MICAL2: variants seen among roughly 807,000 people sequenced by gnomAD.
The protein encoded by MICAL2 is [F-actin]-monooxygenase MICAL2.
In MICAL2, 77 loss-of-function variants were observed where a neutral mutation model predicts 127.3. That is an observed-to-expected ratio of 0.60 (90% confidence interval 0.50 to 0.73). MICAL2 has a LOEUF of 0.73. Among genes scored for constraint, MICAL2 ranks in the 30% least tolerant of loss-of-function variants. The probability of loss-of-function intolerance (pLI) is 0.00; values close to 1 mark genes in which losing one functional copy is unlikely to be tolerated. For synonymous variants in MICAL2, 570 were observed against 551.1 expected, an observed-to-expected ratio of 1.03 and a Z score of -0.48; for missense variants, 1,351 against 1,434.4, an observed-to-expected ratio of 0.94 and a Z score of 0.94.
At chr11:12,185,880 G>A (rs1456103414) in intron 3 of MICAL2, among the ~76,000 whole-genome samples, 1 of 152,182 alleles carries the variant, frequency 6.6e-6, no homozygotes, top group Non-Finnish European at 1.5e-5. Flanking sequence ...GCCAGCCTGC[G>A]ATCATGTTTT....
intron 2 of MICAL2, among the ~76,000 whole-genome samples, chr11:12,144,700 A>C (rs1852714670): frequency 6.6e-6 from 1 of 152,258 alleles, no homozygotes; most frequent in African/African-American, 2.4e-5. Context: ...CACCTAGTTC[A>C]GGGAGGTGAA....
rs182306465 is a variant in MICAL2 at position 12,234,778 on chromosome 11, G to A, written c.1996-1399G>A. ...GCTTTCCGTTGGAGGGAGGGGATGC[G>A]TACTGGGTTGTGTGTTGGGGCACCC... On this transcript the variant is annotated intron_variant, in intron 15 of 27. Coordinates refer to ENST00000683283, the MANE Select transcript of MICAL2 (RefSeq NM_001282663.2). 1.8e-4 allele frequency among the ~76,000 whole-genome samples: 28 copies of A among 152,288 alleles called. 1 individual carries two copies. Among genetic ancestry groups the A allele is most frequent in the South Asian group, 4.1e-4 (2 of 4,828 alleles).
At chr11:12,313,248 A>G (rs1489310704) in intron 29 of MICAL2, among the ~76,000 whole-genome samples, 2 of 151,988 alleles carry the variant, frequency 1.3e-5, no homozygotes, top group Non-Finnish European at 2.9e-5. Flanking sequence ...TTACACAGAA[A>G]GGGAGGTGGA....
At chr11:12,207,766 C>G (rs1294143251) in intron 4 of MICAL2, 1 of 382,700 alleles carries the variant, frequency 2.6e-6, no homozygotes, top group Non-Finnish European at 4.7e-6. Flanking sequence ...TCTGTGTCGC[C>G]TTGAGCAAGT....
intron 29 of MICAL2, among the ~76,000 whole-genome samples, chr11:12,316,228 C>G (rs1051890502): frequency 6.6e-6 from 1 of 151,864 alleles, no homozygotes; most frequent in South Asian, 2.1e-4. Context: ...CTGACAATAT[C>G]TTCTTTTTAA....
chr11:12,353,712 T>A (rs148637955), intron 33 of MICAL2, among the ~76,000 whole-genome samples: 19 of 152,266 alleles, frequency 1.2e-4, no homozygotes, highest in African/African-American at 4.6e-4. Flanking sequence ...TTCTTGACTT[T>A]GCTGCTCCTC....
At chr11:12,133,287 G>A (rs1780725001) in intron 1 of MICAL2, among the ~76,000 whole-genome samples, 1 of 152,086 alleles carries the variant, frequency 6.6e-6, no homozygotes, top group Non-Finnish European at 1.5e-5. Flanking sequence ...TCACCATGTT[G>A]GTCAGGCTGG....
intron 29 of MICAL2, among the ~76,000 whole-genome samples, chr11:12,297,587 G>C (rs571362834): frequency 6.6e-6 from 1 of 152,030 alleles, no homozygotes; most frequent in Admixed American, 6.5e-5. Context: ...TAGTTAGAAA[G>C]AGCTTCTTCC....
intron 1 of MICAL2, among the ~76,000 whole-genome samples, chr11:12,112,691 C>A (rs1028957319): frequency 6.6e-6 from 1 of 152,074 alleles, no homozygotes; most frequent in Non-Finnish European, 1.5e-5. Flanking sequence ...GCTTTCTGCT[C>A]ATCCCCTCTT....
At chr11:12,178,060 C>T (rs1207849398) in intron 3 of MICAL2, among the ~76,000 whole-genome samples, 1 of 152,208 alleles carries the variant, frequency 6.6e-6, no homozygotes, top group East Asian at 1.9e-4. Context: ...GCCTGAAAGG[C>T]CAAGCCAGTT....
intron 22 of MICAL2, chr11:12,254,697 A>G (rs1862066615): frequency 6.6e-6 from 1 of 152,170 alleles, no homozygotes; most frequent in South Asian, 2.1e-4. Flanking sequence ...TTTATTTGCT[A>G]AGCGGCCTCA....
At chr11:12,254,290 G>A (rs1365055640) in intron 22 of MICAL2, 6 of 152,162 alleles carry the variant, frequency 3.9e-5, no homozygotes, top group African/African-American at 2.4e-5. Context: ...CCACAAACTC[G>A]GGAGACAGGT....
intron 32 of MICAL2, among the ~76,000 whole-genome samples, chr11:12,341,554 C>T (rs963844557): frequency 1.4e-4 from 21 of 152,134 alleles, no homozygotes; most frequent in African/African-American, 4.6e-4. Context: ...TGGCCCGGCG[C>T]GGTGGCTTAT....
chr11:12,316,893 G>T (rs1442970071), intron 29 of MICAL2, among the ~76,000 whole-genome samples: 6 of 151,996 alleles, frequency 3.9e-5, no homozygotes, highest in Non-Finnish European at 8.8e-5. Flanking sequence ...TTACTCTAGG[G>T]CTAATTCATT....
intron 15 of MICAL2, among the ~76,000 whole-genome samples, chr11:12,231,872 C>T (rs1391617820): frequency 6.6e-6 from 1 of 152,232 alleles, no homozygotes; most frequent in African/African-American, 2.4e-5. Context: ...CTCTCCTTTC[C>T]TCAGCGCAAT....
intron 26 of MICAL2, chr11:12,262,115 AC>A: frequency 8.7e-7 from 1 of 1,145,960 alleles, no homozygotes; most frequent in East Asian, 6.1e-5. Context: ...GAGATGTTGA[AC>A]CTTTCTGGTG....
intron 3 of MICAL2, among the ~76,000 whole-genome samples, chr11:12,171,317 A>C (rs1303220640): frequency 6.6e-6 from 1 of 152,182 alleles, no homozygotes; most frequent in Non-Finnish European, 1.5e-5. Flanking sequence ...ATCCAAATAA[A>C]TGTGTATCTC....
intron 3 of MICAL2, among the ~76,000 whole-genome samples, chr11:12,192,037 A>C (rs1401455709): frequency 1.3e-5 from 2 of 149,344 alleles, no homozygotes; most frequent in Non-Finnish European, 3.0e-5. Context: ...ACTTCTTGGA[A>C]CCCCCACCCC....
intron 3 of MICAL2, among the ~76,000 whole-genome samples, chr11:12,178,012 G>T (rs1056658565): frequency 6.6e-6 from 1 of 152,228 alleles, no homozygotes; most frequent in African/African-American, 2.4e-5. Context: ...ATGCTTGGTG[G>T]CTGGCAGCCC....
Sources: allele counts gnomAD v4.1 joint callset (sites outside exome capture counted in the v4.1 genomes callset), GRCh38; gene constraint gnomAD v4.1.1; transcripts MANE v1.5; gene names NCBI Gene and HGNC (gene_info 2026-07-23, HGNC 2026-07-21).